ANKRD28: variants seen among roughly 807,000 people sequenced by gnomAD.
The protein encoded by ANKRD28 is serine/threonine-protein phosphatase 6 regulatory ankyrin repeat subunit A.
ANKRD28 carries 44 observed loss-of-function variants against 126.5 expected under a neutral mutation model. That is an observed-to-expected ratio of 0.35 (90% CI 0.27 to 0.45). The LOEUF is 0.45. Among genes scored for constraint, ANKRD28 ranks in the 20% least tolerant of loss-of-function variants. The probability of loss-of-function intolerance (pLI) is 1.00; values close to 1 mark genes in which losing one functional copy is unlikely to be tolerated. For synonymous variants in ANKRD28, 442 were observed against 468.5 expected (o/e 0.94, Z 0.73); for missense variants, 1,110 against 1,316.6 (o/e 0.84, Z 2.43).
At chr3:15,852,614 A>G (rs1352189343) in intron 1 of ANKRD28, among the ~76,000 whole-genome samples, 2 of 151,982 alleles carry the variant, frequency 1.3e-5, no homozygotes, top group Non-Finnish European at 2.9e-5. Flanking sequence ...CGGGCGGATC[A>G]CGAGGTCAGG....
intron 1 of ANKRD28, among the ~76,000 whole-genome samples, chr3:15,844,238 A>C (rs781198556): frequency 1.3e-5 from 2 of 152,164 alleles, no homozygotes; most frequent in Non-Finnish European, 2.9e-5. Flanking sequence ...ATCTCAAGAA[A>C]TATACCGGTA....
intron 3 of ANKRD28, among the ~76,000 whole-genome samples, chr3:15,763,890 TA>T (rs1392210961): frequency 6.6e-6 from 1 of 152,190 alleles, no homozygotes; most frequent in Non-Finnish European, 1.5e-5. Context: ...GAAAAATAGC[TA>T]CATGAGCTAT....
Position 15,823,987 on chromosome 3 carries a change from A to C in ANKRD28, c.28-28681T>G, listed in dbSNP as rs545212425. Among the ~76,000 whole-genome samples the C allele has an allele frequency of 3.3e-5, 5 of 152,336 alleles. No individual in the cohort carries two copies. In the East Asian group the frequency reaches 9.6e-4, roughly 29 times the overall value. ...GTGAAAAACTCAATGCTTTCTTTCA[A>C]AGATCAGGAGAGAGATAAAGATGCC... On this transcript the variant is annotated intron_variant, in intron 1 of 27. Transcript: ENST00000399451.
chr3:15,674,173 T>TCAAAAA (rs2066676108), intron 27 of ANKRD28, among the ~76,000 whole-genome samples: 1 of 4,674 alleles, frequency 2.1e-4, no homozygotes, highest in Non-Finnish European at 4.3e-4. Context: ...CCCTGCCTCT[T>TCAAAAA]CAAAAAAAAA....
At chr3:15,819,631 T>C (rs918008516) in intron 1 of ANKRD28, among the ~76,000 whole-genome samples, 5 of 152,250 alleles carry the variant, frequency 3.3e-5, no homozygotes, top group African/African-American at 9.6e-5. Flanking sequence ...ACTGTTTGTA[T>C]TCCTTGTAAA....
chr3:15,675,750 C>G (rs2066869687), intron 27 of ANKRD28, 148 bp downstream of exon 27: 1 of 581,324 alleles, frequency 1.7e-6, no homozygotes, highest in Non-Finnish European at 2.8e-6. Flanking sequence ...TTTCTTTTGC[C>G]CTTATTCCTT....
At chr3:15,798,959 T>C (rs370406636), upstream of ANKRD28, among the ~76,000 whole-genome samples, 1 of 152,166 alleles carries the variant, frequency 6.6e-6, no homozygotes, top group East Asian at 1.9e-4. Context: ...ACATTCTCAT[T>C]TAATACAATA....
Position 15,682,249 on chromosome 3 carries a change from A to G in ANKRD28, c.2390-2686T>C, listed in dbSNP as rs369097216. 2.6e-5 allele frequency among the ~76,000 whole-genome samples: 4 copies of G among 152,268 alleles called. No homozygotes were observed. The South Asian group carries it at 6.2e-4, about 24-fold the overall frequency. ...AATAGACATTATTTTTAAATAAATC[A>G]GTAAGTATTTAAAAATTTCTCAATT... On this transcript the variant is annotated intron_variant, in intron 21 of 27. Transcript: ENST00000683139.
chr3:15,718,527 C>T (rs1438544383), intron 8 of ANKRD28, among the ~76,000 whole-genome samples: 2 of 152,122 alleles, frequency 1.3e-5, no homozygotes, highest in Non-Finnish European at 2.9e-5. Flanking sequence ...AAAATACAGA[C>T]TTAAAAACAA....
At position 15,741,799 on chromosome 3, in the gene ANKRD28, A is replaced by T. The variant is rs114931269; in HGVS notation, c.352-4566T>A. Among the ~76,000 whole-genome samples, 109 of 138,922 alleles carry T rather than the reference A, an allele frequency of 7.8e-4. 1 individual carries two copies. The highest frequency in any genetic ancestry group is 2.8e-3 in the African/African-American group (103 of 37,224). 91.1% of individuals were successfully genotyped at this position (138,922 alleles called of 152,430 possible). A position where few individuals can be genotyped will look rare whatever the true frequency, so the allele number is the denominator to read the frequency against. On this transcript the variant is annotated intron_variant, in intron 4 of 27. Coordinates refer to ENST00000683139, the MANE Select transcript of ANKRD28 (RefSeq NM_001349278.2). The stretch of plus-strand genomic sequence containing the variant: ...AAAAACAAGGGCTTAACATATTTGC[A>T]GGTACTGCTGCCATCTCAGCTCACT...
chr3:15,721,989 C>T (rs902030569), intron 7 of ANKRD28, among the ~76,000 whole-genome samples: 2 of 152,170 alleles, frequency 1.3e-5, no homozygotes, highest in African/African-American at 4.8e-5. Context: ...AAATGATCCA[C>T]CGGCCTCGGC....
At chr3:15,790,638 A>T (rs1391471812) in intron 2 of ANKRD28, among the ~76,000 whole-genome samples, 2 of 152,148 alleles carry the variant, frequency 1.3e-5, no homozygotes, top group Non-Finnish European at 2.9e-5. Context: ...GAAGGAACAT[A>T]TCTCAACATA....
chr3:15,831,424 TTC>T (rs939741778), intron 1 of ANKRD28, among the ~76,000 whole-genome samples: 3 of 152,168 alleles, frequency 2.0e-5, no homozygotes, highest in Non-Finnish European at 2.9e-5. Context: ...CACCAAATGA[TTC>T]TTTGTTATAG....
At chr3:15,762,886 G>A (rs1297391290) in intron 3 of ANKRD28, among the ~76,000 whole-genome samples, 1 of 151,980 alleles carries the variant, frequency 6.6e-6, no homozygotes, top group East Asian at 1.9e-4. Flanking sequence ...TTTTTTAGAT[G>A]AGGAAGTTGA....
chr3:15,675,167 A>C (rs574524011), intron 27 of ANKRD28, among the ~76,000 whole-genome samples: 1 of 152,250 alleles, frequency 6.6e-6, no homozygotes, highest in South Asian at 2.1e-4. Flanking sequence ...CTACCTGGGC[A>C]GGCTGAGGCA....
At chr3:15,687,524 C>T (rs115428904) in intron 18 of ANKRD28, among the ~76,000 whole-genome samples, 52 of 152,152 alleles carry the variant, frequency 3.4e-4, no homozygotes, top group African/African-American at 1.1e-3. Flanking sequence ...TAAAGAAATA[C>T]ATTAGAAAAA....
chr3:15,773,551 G>C (rs941335111), intron 2 of ANKRD28, among the ~76,000 whole-genome samples: 1 of 152,142 alleles, frequency 6.6e-6, no homozygotes, highest in Non-Finnish European at 1.5e-5. Flanking sequence ...CTTGAACCCA[G>C]GACATGGAGG....
chr3:15,792,878 G>C (rs1405667992), intron 2 of ANKRD28, among the ~76,000 whole-genome samples: 1 of 151,888 alleles, frequency 6.6e-6, no homozygotes, highest in Non-Finnish European at 1.5e-5. Flanking sequence ...ACTAAAATAA[G>C]AAGAAAAATC....
At chr3:15,763,091 G>T (rs1559491160) in intron 3 of ANKRD28, among the ~76,000 whole-genome samples, 1 of 152,150 alleles carries the variant, frequency 6.6e-6, no homozygotes, top group Non-Finnish European at 1.5e-5. Context: ...TAGTTCAATA[G>T]AAATCTAGCC....
Sources: allele counts gnomAD v4.1 joint callset (sites outside exome capture counted in the v4.1 genomes callset), GRCh38; gene constraint gnomAD v4.1.1; transcripts MANE v1.5; gene names NCBI Gene and HGNC (gene_info 2026-07-23, HGNC 2026-07-21).